AKAP17A: variants seen among roughly 807,000 people sequenced by gnomAD.
The protein encoded by AKAP17A is A-kinase anchoring protein 17A, also known as A-kinase anchor protein 17A.
In AKAP17A, 15 loss-of-function variants were observed where a neutral mutation model predicts 52.2. The ratio of observed to expected loss-of-function variants is 0.29; its 90% CI spans 0.19 to 0.44. The LOEUF (loss-of-function observed/expected upper bound fraction) is 0.44. Among genes scored for constraint, AKAP17A ranks in the 20% least tolerant of loss-of-function variants. AKAP17A has a pLI of 1.00. For missense variants in AKAP17A, 1,060 were observed against 1,007.0 expected (o/e 1.05, Z -0.71); for synonymous variants, 514 against 424.7 (o/e 1.21, Z -2.58).
At chrX:1,597,772 C>G (rs749879295) in intron 3 of AKAP17A, among the ~76,000 whole-genome samples, 6 of 148,044 alleles carry the variant, frequency 4.1e-5, no homozygotes, top group African/African-American at 1.6e-4. Context: ...TGGAGTGTGT[C>G]TCTGCAGGGA....
In AKAP17A at chrX:1,599,287, G is replaced by A. The variant is rs373081495; in HGVS notation, c.1007G>A (p.Arg336Gln). Reference protein sequence around the residue: ...EQKQRDRELRRNQKKLEKLQA... With the variant: ...EQKQRDRELRQNQKKLEKLQA... ...AAGCAGAGGGACCGTGAGCTGCGCC[G>A]GAATCAGAAGAAGCTGGAGAAGCTG... The change falls in exon 4 of 5, where the codon CGG becomes CAG. Residue 336 changes from arginine (R) to glutamine (Q), a missense_variant. Physicochemically the swap from Arg to Gln is conservative, Grantham distance 43. Transcript: ENST00000313871. 35 of 1,611,410 alleles carry A rather than the reference G, an allele frequency of 2.2e-5. No homozygotes were observed. Among genetic ancestry groups the A allele is most frequent in the East Asian group, 1.1e-4 (5 of 44,876 alleles).
At position 1,601,776 on chromosome X, in the gene AKAP17A, C is replaced by A; in HGVS notation, c.*182C>A. ...CATGCTTTAGAGATCCATCTTTCTC[C>A]ACTCACCGCAGCGTACTTGGCACTT... is the stretch of plus-strand genomic sequence containing the variant. On this transcript the variant is annotated 3_prime_UTR_variant, in exon 5 of 5. Transcript: ENST00000313871. The A allele has an allele frequency of 2.0e-6, 1 of 506,466 alleles. No homozygotes were observed. The allele number at this position is 506,466 out of a possible 1,614,324, so 31.4% of individuals were successfully genotyped here. A position where few individuals can be genotyped will look rare whatever the true frequency, so the allele number is the denominator to read the frequency against.
intron 4 of AKAP17A, 198 bp downstream of exon 4, chrX:1,599,630 C>T (rs1933241659): frequency 4.8e-6 from 4 of 828,336 alleles, no homozygotes; most frequent in African/African-American, 1.7e-5. Flanking sequence ...GATTTCAGAG[C>T]TGTGACGGTT....
intron 3 of AKAP17A, 141 bp downstream of exon 3, chrX:1,595,673 C>G: frequency 7.5e-7 from 1 of 1,328,632 alleles, no homozygotes; most frequent in Non-Finnish European, 1.1e-6. Flanking sequence ...TACCTGTGTG[C>G]ATGGACGCAC....
rs751358571 is a variant in AKAP17A, at chrX:1,600,816, G to A, written c.1310G>A (p.Arg437Gln). Residue 437 changes from arginine (R) to glutamine (Q), a missense_variant, in exon 5 of 5, where the codon CGG (arginine) becomes CAG (glutamine). Coordinates refer to ENST00000313871, the MANE Select transcript of AKAP17A (RefSeq NM_005088.3). ...LQRKERELRERLLSILLSKKP... is the reference protein window; with the variant it reads ...LQRKERELREQLLSILLSKKP... ...CGGAAAGAGCGGGAGCTGCGCGAGCGGCTGCTGAGCATCCTGCTGAGCAAG... is the reference window on the plus strand; with the variant it reads ...CGGAAAGAGCGGGAGCTGCGCGAGCAGCTGCTGAGCATCCTGCTGAGCAAG... 9.4e-6 allele frequency: 15 copies of A among 1,592,352 alleles called. No individual in the cohort carries two copies. Among genetic ancestry groups the A allele is most frequent in the East Asian group, 9.0e-5 (4 of 44,274 alleles).
chrX:1,600,547 C>T, intron 4 of AKAP17A, 112 bp from the exon 5 acceptor site: 2 of 1,129,658 alleles, frequency 1.8e-6, no homozygotes, highest in Non-Finnish European at 2.4e-6. Context: ...AGCCAGGCCG[C>T]TGATCCTGCA....
intron 4 of AKAP17A, chrX:1,600,034 C>A (rs1438869163): frequency 1.5e-6 from 1 of 653,530 alleles, no homozygotes; most frequent in Non-Finnish European, 2.5e-6. Flanking sequence ...GACAGACAGA[C>A]CTCCCCAGGA....
At chrX:1,594,849 C>T (rs1932911056) in intron 2 of AKAP17A, among the ~76,000 whole-genome samples, 1 of 152,188 alleles carries the variant, frequency 6.6e-6, no homozygotes, top group Admixed American at 6.5e-5. Context: ...GAACTCCTGA[C>T]CTCATGAACT....
At chrX:1,599,831 G>C (rs1393540796) in intron 4 of AKAP17A, 1 of 598,218 alleles carries the variant, frequency 1.7e-6, no homozygotes. Flanking sequence ...CCAGAGCAGA[G>C]GGGCAAGGTG....
chrX:1,593,510 C>T lies in AKAP17A; in HGVS notation c.48C>T (p.Leu16=), dbSNP rs767809740. The stretch of plus-strand genomic sequence containing the variant: ...ACGACACGTCTGAGGCCGTGGAGCT[C>T]TGCCCTGCTTACGGCTTGTACCTGA... The part of the protein sequence containing the change: ...IVHDTSEAVE[L]CPAYGLYLKP... Residue 16 remains leucine (L), a synonymous_variant, in exon 2 of 5, where the codon CTC becomes CTT. Transcript: ENST00000313871. 2 of 1,613,676 alleles carry T rather than the reference C, an allele frequency of 1.2e-6. No individual in the cohort carries two copies. Among genetic ancestry groups the T allele is most frequent in the Admixed American group, 3.3e-5 (2 of 59,990 alleles).
At chrX:1,599,901 G>T (rs1453636360) in intron 4 of AKAP17A, 6 of 551,620 alleles carry the variant, frequency 1.1e-5, no homozygotes, top group East Asian at 3.1e-5. Flanking sequence ...TCCCTCCTCC[G>T]CAGCGTGAAC....
intron 1 of AKAP17A, among the ~76,000 whole-genome samples, chrX:1,592,522 A>G (rs1932855863): frequency 6.6e-6 from 1 of 151,686 alleles, no homozygotes; most frequent in African/African-American, 2.4e-5. Flanking sequence ...TCCAGACTGG[A>G]GCCCCTCCCT....
Position 1,599,610 on chromosome X carries a change from C to T in AKAP17A, c.1152+178C>T, listed in dbSNP as rs1273014372. 22 of 900,720 alleles carry T rather than the reference C, an allele frequency of 2.4e-5. No individual in the cohort carries two copies. In the East Asian group the frequency reaches 4.0e-4, roughly 16 times the overall value. 55.8% of individuals were successfully genotyped at this position (900,720 alleles called of 1,614,324 possible). A position where few individuals can be genotyped will look rare whatever the true frequency, so the allele number is the denominator to read the frequency against. On this transcript the variant is annotated intron_variant, in intron 4 of 4. Transcript: ENST00000313871. Reference sequence around the variant, plus strand: ...CCGGGAGGGTGTAGCGCTCGTCTGTCGTTCCCGATGATTTCAGAGCTGTGA... The same window carrying T: ...CCGGGAGGGTGTAGCGCTCGTCTGTTGTTCCCGATGATTTCAGAGCTGTGA...
intron 3 of AKAP17A, among the ~76,000 whole-genome samples, chrX:1,596,522 G>A (rs771499066): frequency 5.8e-5 from 7 of 120,362 alleles, no homozygotes; most frequent in African/African-American, 2.5e-4. Context: ...CTAGTGAGGC[G>A]GAATCCTCCT....
intron 4 of AKAP17A, 52 bp downstream of exon 4, chrX:1,599,484 T>C: frequency 6.4e-7 from 1 of 1,551,114 alleles, no homozygotes; most frequent in Non-Finnish European, 8.7e-7. Flanking sequence ...CTGCCCTCAG[T>C]GCCCTCCCCT....
At chrX:1,595,963 C>A (rs1168732045) in intron 3 of AKAP17A, among the ~76,000 whole-genome samples, 3 of 152,150 alleles carry the variant, frequency 2.0e-5, no homozygotes, top group African/African-American at 7.2e-5. Context: ...CTCAGCTGTG[C>A]ACGTGAGGAC....
intron 1 of AKAP17A, 64 bp downstream of exon 1, chrX:1,591,833 C>T (rs1263270999): frequency 8.0e-6 from 1 of 125,066 alleles, no homozygotes; most frequent in African/African-American, 3.0e-5. Flanking sequence ...CTCCTAGGGC[C>T]GGGCCCGGGG....
chrX:1,596,525 A>ATCCTCCTCT (rs1453831889), intron 3 of AKAP17A, among the ~76,000 whole-genome samples: 1 of 27,698 alleles, frequency 3.6e-5, no homozygotes, highest in Non-Finnish European at 6.2e-5. Context: ...GTGAGGCGGA[A>ATCCTCCTCT]TCCTCCTCTT....
rs1287063276 is a variant in AKAP17A, at chrX:1,601,925, A to T, written c.*331A>T. 1 of 301,780 alleles carries T rather than the reference A, an allele frequency of 3.3e-6. No individual in the cohort carries two copies. 18.7% of individuals were successfully genotyped at this position (301,780 alleles called of 1,614,324 possible). On this transcript the variant is annotated 3_prime_UTR_variant, in exon 5 of 5. Transcript: ENST00000313871. ...GATGGCAGAGCTGCTGCATTCCCCCACACGGGGATTTCTGTGTCTGCTTGG... is the reference window on the plus strand; with the variant it reads ...GATGGCAGAGCTGCTGCATTCCCCCTCACGGGGATTTCTGTGTCTGCTTGG...
Sources: allele counts gnomAD v4.1 joint callset (sites outside exome capture counted in the v4.1 genomes callset), GRCh38; gene constraint gnomAD v4.1.1; transcripts MANE v1.5; gene names NCBI Gene and HGNC (gene_info 2026-07-23, HGNC 2026-07-21).